The following AHI1 variants were observed in gnomAD, a reference collection of about 807,000 sequenced individuals.
AHI1 encodes jouberin.
In AHI1, 123 loss-of-function variants were observed where a neutral mutation model predicts 149.3. That is an observed-to-expected ratio of 0.82 (90% CI 0.71 to 0.96). The LOEUF (loss-of-function observed/expected upper bound fraction) is 0.96. Ranked by LOEUF, AHI1 falls within the 40% of genes least tolerant of loss-of-function variation. The probability of loss-of-function intolerance (pLI) is 0.00; values close to 1 mark genes in which losing one functional copy is unlikely to be tolerated. For missense variants in AHI1, 1,439 were observed against 1,422.7 expected, an observed-to-expected ratio of 1.01 and a Z score of -0.18; for synonymous variants, 475 against 459.8, an observed-to-expected ratio of 1.03 and a Z score of -0.42.
chr6:135,363,516 T>C (rs1794264253), intron 23 of AHI1, among the ~76,000 whole-genome samples: 2 of 152,144 alleles, frequency 1.3e-5, no homozygotes, highest in East Asian at 3.9e-4. Context: ...CTTTCTATTC[T>C]ACAAAACCGC....
intron 21 of AHI1, among the ~76,000 whole-genome samples, chr6:135,405,269 T>C (rs1382297006): frequency 6.6e-6 from 1 of 152,192 alleles, no homozygotes; most frequent in Non-Finnish European, 1.5e-5. Context: ...AATTCTATAC[T>C]AGAACACTAA....
At chr6:135,368,242 T>C (rs1269767990) in intron 23 of AHI1, among the ~76,000 whole-genome samples, 1 of 152,092 alleles carries the variant, frequency 6.6e-6, no homozygotes, top group East Asian at 1.9e-4. Context: ...CTGGTGGAGG[T>C]AGCAGGGGAG....
At chr6:135,297,840 T>C (rs1783328615) in intron 27 of AHI1, among the ~76,000 whole-genome samples, 1 of 152,140 alleles carries the variant, frequency 6.6e-6, no homozygotes, top group Non-Finnish European at 1.5e-5. Context: ...ATGGTTATTA[T>C]AAAGATGGAA....
At chr6:135,473,136 A>G (rs966792455) in intron 5 of AHI1, among the ~76,000 whole-genome samples, 9 of 152,160 alleles carry the variant, frequency 5.9e-5, no homozygotes, top group African/African-American at 2.2e-4. Flanking sequence ...TAATTTTTAA[A>G]CATGACATGA....
At chr6:135,388,683 A>G (rs1389350139) in intron 23 of AHI1, among the ~76,000 whole-genome samples, 1 of 152,210 alleles carries the variant, frequency 6.6e-6, no homozygotes, top group Non-Finnish European at 1.5e-5. Context: ...GAATGTAAGT[A>G]TATACTTTCA....
At chr6:135,449,663 T>G (rs1486241542) in intron 11 of AHI1, among the ~76,000 whole-genome samples, 1 of 152,108 alleles carries the variant, frequency 6.6e-6, no homozygotes, top group Non-Finnish European at 1.5e-5. Flanking sequence ...AACTGTTACT[T>G]GTAGACTTAT....
At chr6:135,352,712 TACACACACAC>T (rs573886880) in intron 24 of AHI1, among the ~76,000 whole-genome samples, 3 of 145,492 alleles carry the variant, frequency 2.1e-5, no homozygotes, top group Admixed American at 6.9e-5. Context: ...TATATATATA[TACACACACAC>T]ACACACACAC....
At chr6:135,346,758 T>G (rs1285847888) in intron 24 of AHI1, among the ~76,000 whole-genome samples, 1 of 152,038 alleles carries the variant, frequency 6.6e-6, no homozygotes, top group Non-Finnish European at 1.5e-5. Flanking sequence ...ATTCCTTCAC[T>G]CCTTTTCTTC....
chr6:135,397,763 T>A (rs1779431190), intron 22 of AHI1, among the ~76,000 whole-genome samples: 1 of 152,114 alleles, frequency 6.6e-6, no homozygotes, highest in South Asian at 2.1e-4. Flanking sequence ...ATAGTACTCA[T>A]TTCCATGTAT....
intron 23 of AHI1, among the ~76,000 whole-genome samples, chr6:135,372,530 A>G (rs200401829): frequency 7.8e-5 from 11 of 141,592 alleles, no homozygotes; most frequent in Non-Finnish European, 1.2e-4. Flanking sequence ...AAAAAAAAAA[A>G]GAAAAAAAAA....
At chr6:135,302,380 T>C (rs1783985990) in intron 26 of AHI1, 1 of 988,754 alleles carries the variant, frequency 1.0e-6, no homozygotes, top group African/African-American at 1.7e-5. Context: ...TACTTTTAAT[T>C]ATTTTTTGTT....
At chr6:135,488,881 C>G (rs183853263) in intron 5 of AHI1, among the ~76,000 whole-genome samples, 1 of 152,204 alleles carries the variant, frequency 6.6e-6, no homozygotes, top group East Asian at 1.9e-4. Flanking sequence ...CACTTCCACT[C>G]AGTGTTTGAA....
intron 20 of AHI1, among the ~76,000 whole-genome samples, chr6:135,420,835 A>G (rs894123385): frequency 1.3e-5 from 2 of 152,180 alleles, no homozygotes; most frequent in African/African-American, 2.4e-5. Context: ...CTTCGCATTC[A>G]CAACTTGGCT....
chr6:135,472,526 G>A (rs966936426), intron 5 of AHI1, among the ~76,000 whole-genome samples: 1 of 152,256 alleles, frequency 6.6e-6, no homozygotes, highest in Admixed American at 6.5e-5. Context: ...GAATTGCTGT[G>A]CTACATGGTA....
At chr6:135,436,616 T>C (rs1472809736) in intron 15 of AHI1, among the ~76,000 whole-genome samples, 1 of 152,170 alleles carries the variant, frequency 6.6e-6, no homozygotes, top group Non-Finnish European at 1.5e-5. Flanking sequence ...TTCTTTTTTC[T>C]TTTTGAGGCA....
At chr6:135,345,878 T>C (rs531932600) in intron 24 of AHI1, among the ~76,000 whole-genome samples, 147 of 152,170 alleles carry the variant, frequency 9.7e-4, no homozygotes, top group Middle Eastern at 3.4e-3. Flanking sequence ...GGAAGTGTAG[T>C]TGGTTATGAT....
At chr6:135,475,497 T>A (rs749055435) in intron 5 of AHI1, among the ~76,000 whole-genome samples, 4 of 152,228 alleles carry the variant, frequency 2.6e-5, no homozygotes, top group Non-Finnish European at 5.9e-5. Flanking sequence ...AGCAATGTGA[T>A]TTATGGTGAA....
chr6:135,465,689 T>G, intron 7 of AHI1, 125 bp downstream of exon 7: 1 of 759,328 alleles, frequency 1.3e-6, no homozygotes, highest in East Asian at 3.0e-5. Flanking sequence ...TGTTCTTATC[T>G]TAGTGACAAT....
At chr6:135,406,717 C>A (rs561794695) in intron 21 of AHI1, among the ~76,000 whole-genome samples, 22 of 152,294 alleles carry the variant, frequency 1.4e-4, no homozygotes, top group Non-Finnish European at 3.2e-4. Flanking sequence ...CTCTACTTAG[C>A]AATCAACTCT....
Sources: gnomAD v4.1 joint callset for allele counts (sites outside exome capture counted in the v4.1 genomes callset) on GRCh38, gnomAD v4.1.1 for gene constraint, MANE v1.5 for transcripts, NCBI Gene and HGNC (gene_info 2026-07-23, HGNC 2026-07-21) for gene names.